The following TMEM47 variants were observed in gnomAD, a reference collection of about 807,000 sequenced individuals.
TMEM47 encodes the protein transmembrane protein 47.
Under a neutral mutation model 12.4 loss-of-function variants are expected in TMEM47, and 3 were observed. That is an observed-to-expected ratio of 0.24 (90% CI 0.11 to 0.63). The LOEUF is 0.63. TMEM47 is among the 20% of genes least tolerant of loss of function. TMEM47 has a pLI of 0.86. For synonymous variants in TMEM47, 62 were observed against 63.3 expected (o/e 0.98, Z 0.10); for missense variants, 89 against 143.8 (o/e 0.62, Z 1.95).
At chrX:34,632,305 C>T (rs1248339278) in intron 2 of TMEM47, among the ~76,000 whole-genome samples, 2 of 111,547 alleles carry the variant, frequency 1.8e-5, no homozygotes, top group Non-Finnish European at 3.8e-5. Flanking sequence ...TTTGATATCG[C>T]TTATATGTTT....
At chrX:34,646,196 T>C (rs1296447641) in intron 1 of TMEM47, among the ~76,000 whole-genome samples, 1 of 110,852 alleles carries the variant, frequency 9.0e-6, no homozygotes, top group Non-Finnish European at 1.9e-5. Flanking sequence ...ATGTTGATGT[T>C]AGAAAAAAAA....
chrX:34,628,495 C>T lies in TMEM47; in HGVS notation c.*1818G>A, dbSNP rs1304476421. ...AAGACTAAACCTGGTACTTCATATTCGTGATTTTATAGAAAATTCATGTGT... is the reference window on the plus strand; with the variant it reads ...AAGACTAAACCTGGTACTTCATATTTGTGATTTTATAGAAAATTCATGTGT... On this transcript the variant is annotated 3_prime_UTR_variant, in exon 3 of 3. Transcript: ENST00000275954. 2 of 109,501 alleles carry T rather than the reference C, an allele frequency of 1.8e-5. No homozygotes were observed. The highest frequency in any genetic ancestry group is 5.7e-4 in the East Asian group (2 of 3,523). The allele number at this position is 109,501 out of a possible 1,213,427, so 9.0% of individuals were successfully genotyped here. A position where few individuals can be genotyped will look rare whatever the true frequency, so the allele number is the denominator to read the frequency against.
At position 34,628,697 on chromosome X, in the gene TMEM47, T is replaced by G. The variant is rs191548043; in HGVS notation, c.*1616A>C. On this transcript the variant is annotated 3_prime_UTR_variant, in exon 3 of 3. Coordinates refer to ENST00000275954, the MANE Select transcript of TMEM47 (RefSeq NM_031442.4). ...TTGCAATACAGTAACATATAGCTACTTTTAAAGTAATTTTTCTAATGCTTC... is the reference window on the plus strand; with the variant it reads ...TTGCAATACAGTAACATATAGCTACGTTTAAAGTAATTTTTCTAATGCTTC... 29 of 111,492 alleles carry G rather than the reference T, an allele frequency of 2.6e-4. No individual in the cohort carries two copies. Among genetic ancestry groups the G allele is most frequent in the African/African-American group, 8.8e-4 (27 of 30,699 alleles). The allele number at this position is 111,492 out of a possible 1,213,427, so 9.2% of individuals were successfully genotyped here.
chrX:34,651,012 C>G (rs1479936812), intron 1 of TMEM47, among the ~76,000 whole-genome samples: 3 of 111,491 alleles, frequency 2.7e-5, no homozygotes, highest in African/African-American at 9.8e-5. Flanking sequence ...TGTTGTTGTT[C>G]TTCAAAGGCA....
chrX:34,646,695 T>C (rs1396924753), intron 1 of TMEM47, among the ~76,000 whole-genome samples: 1 of 111,331 alleles, frequency 9.0e-6, no homozygotes, highest in Non-Finnish European at 1.9e-5. Flanking sequence ...TGGGTGAAAC[T>C]TCCTCTAAGC....
chrX:34,657,092 G>T lies in TMEM47; in HGVS notation c.-63C>A. On this transcript the variant is annotated 5_prime_UTR_variant, in exon 1 of 3. Coordinates refer to ENST00000275954, the MANE Select transcript of TMEM47 (RefSeq NM_031442.4). ...GGACGCCAGGCGGGTCCGGAGAGCC[G>T]GGAGCCGGACCTCCCGAAGGGAGAA... The T allele has an allele frequency of 9.2e-7, 1 of 1,084,569 alleles. No homozygotes were observed. The highest frequency in any genetic ancestry group is 1.2e-6 in the Non-Finnish European group (1 of 836,376). 89.4% of individuals were successfully genotyped at this position (1,084,569 alleles called of 1,213,427 possible).
intron 2 of TMEM47, among the ~76,000 whole-genome samples, chrX:34,638,110 T>C (rs1921749007): frequency 9.0e-6 from 1 of 111,725 alleles, no homozygotes; most frequent in Non-Finnish European, 1.9e-5. Flanking sequence ...TAGCCTGTAA[T>C]AGGCATCTAA....
chrX:34,651,784 A>G (rs1262255675), intron 1 of TMEM47, among the ~76,000 whole-genome samples: 1 of 112,161 alleles, frequency 8.9e-6, no homozygotes. Context: ...AATAGGACTG[A>G]ATAAAAGGAT....
rs977619519 is a variant in TMEM47, at chrX:34,627,589, T to C, written c.*2724A>G. 1 of 112,322 alleles carries C rather than the reference T, an allele frequency of 8.9e-6. No homozygotes were observed. The highest frequency in any genetic ancestry group is 1.9e-5 in the Non-Finnish European group (1 of 53,132). 9.3% of individuals were successfully genotyped at this position (112,322 alleles called of 1,213,427 possible). ...TATATTTATGTCTTTAAAATTTACA[T>C]GTTGAACTTACAAAAAGCTAAATAA... On this transcript the variant is annotated 3_prime_UTR_variant, in exon 3 of 3. Coordinates refer to ENST00000275954, the MANE Select transcript of TMEM47 (RefSeq NM_031442.4).
At chrX:34,635,917 T>A (rs1347857080) in intron 2 of TMEM47, among the ~76,000 whole-genome samples, 1 of 111,575 alleles carries the variant, frequency 9.0e-6, no homozygotes, top group African/African-American at 3.3e-5. Flanking sequence ...AAAATTGACA[T>A]AAAAGAAACA....
Position 34,656,794 on chromosome X carries a change from A to G in TMEM47, c.226+10T>C, listed in dbSNP as rs1242787765. 2.2e-5 allele frequency: 26 copies of G among 1,161,172 alleles called. No individual in the cohort carries two copies. The highest frequency in any genetic ancestry group is 3.6e-5 in the African/African-American group (2 of 55,440). On this transcript the variant is annotated intron_variant, in intron 1 of 2. Coordinates refer to ENST00000275954, the MANE Select transcript of TMEM47 (RefSeq NM_031442.4). ...CGGGAGGCAGGGGTCGCGGCGCGCC[A>G]GGCCCTCACCGCTGCTGAGCGTGGA... is the stretch of plus-strand genomic sequence containing the variant.
intron 1 of TMEM47, among the ~76,000 whole-genome samples, chrX:34,651,997 T>A (rs1046337505): frequency 1.8e-5 from 2 of 112,197 alleles, no homozygotes; most frequent in Non-Finnish European, 3.8e-5. Flanking sequence ...GGAAGAAACA[T>A]AACACTAACA....
chrX:34,632,043 C>G (rs1450882436), intron 2 of TMEM47, among the ~76,000 whole-genome samples: 1 of 111,587 alleles, frequency 9.0e-6, no homozygotes, highest in Non-Finnish European at 1.9e-5. Flanking sequence ...CACAGCCACA[C>G]TCATTCATTT....
At chrX:34,639,484 G>T in intron 1 of TMEM47, 97 bp from the exon 2 acceptor site, 1 of 842,772 alleles carries the variant, frequency 1.2e-6, no homozygotes, top group Non-Finnish European at 1.7e-6. Flanking sequence ...CTCAACAGAT[G>T]TGATTTTACT....
intron 1 of TMEM47, among the ~76,000 whole-genome samples, chrX:34,649,074 G>A (rs1418153437): frequency 2.7e-5 from 3 of 111,606 alleles, no homozygotes; most frequent in Non-Finnish European, 5.6e-5. Flanking sequence ...TTGGAGAAAA[G>A]GGAACACTTA....
At chrX:34,640,291 C>T (rs1346261660) in intron 1 of TMEM47, among the ~76,000 whole-genome samples, 1 of 112,095 alleles carries the variant, frequency 8.9e-6, no homozygotes, top group African/African-American at 3.2e-5. Flanking sequence ...TGACCACTTA[C>T]TATGTGCAGG....
chrX:34,630,970 A>G (rs1322295507), intron 2 of TMEM47, among the ~76,000 whole-genome samples: 3 of 107,794 alleles, frequency 2.8e-5, no homozygotes, highest in African/African-American at 1.0e-4. Flanking sequence ...CAGGAGTTCG[A>G]GACCAGTCTG....
rs183758414 is a variant in TMEM47, at chrX:34,651,615, C to A, written c.226+5189G>T. 1.0e-3 allele frequency among the ~76,000 whole-genome samples: 117 copies of A among 112,053 alleles called. No individual in the cohort carries two copies. The South Asian group carries it at 0.024, about 23-fold the overall frequency. Reference sequence around the variant, plus strand: ...GTGGTTAGTTTCCCAGCATTAGCAACTGGAATACTCTTGGTAAGAATCCAT... The same window carrying A: ...GTGGTTAGTTTCCCAGCATTAGCAAATGGAATACTCTTGGTAAGAATCCAT... On this transcript the variant is annotated intron_variant, in intron 1 of 2. Transcript: ENST00000275954.
At chrX:34,631,103 G>A (rs1270590100) in intron 2 of TMEM47, among the ~76,000 whole-genome samples, 8 of 101,314 alleles carry the variant, frequency 7.9e-5, no homozygotes, top group Non-Finnish European at 4.0e-5. Context: ...CCAGGGAGGG[G>A]GAGGTTGCAG....
Sources: allele counts gnomAD v4.1 joint callset (sites outside exome capture counted in the v4.1 genomes callset), GRCh38; gene constraint gnomAD v4.1.1; transcripts MANE v1.5; gene names NCBI Gene and HGNC (gene_info 2026-07-23, HGNC 2026-07-21).